Variants in PCDHGA9 observed in about 807,000 individuals in gnomAD.
PCDHGA9 encodes protocadherin gamma-A9.
A neutral mutation model predicts 62.5 loss-of-function variants in PCDHGA9; 37 were observed. The ratio of observed to expected loss-of-function variants is 0.59; its 90% CI spans 0.46 to 0.78. The LOEUF (loss-of-function observed/expected upper bound fraction) is 0.78. Ranked by LOEUF, PCDHGA9 falls within the 30% of genes least tolerant of loss-of-function variation. The pLI is 0.00. For synonymous variants in PCDHGA9, 459 were observed against 484.6 expected (o/e 0.95, Z 0.69); for missense variants, 1,138 against 1,166.2 (o/e 0.98, Z 0.35).
intron 1 of PCDHGA9, among the ~76,000 whole-genome samples, chr5:141,425,668 T>C (rs2096887740): frequency 1.3e-5 from 2 of 152,260 alleles, no homozygotes; most frequent in South Asian, 4.1e-4. Context: ...GCACATCAGA[T>C]TGAAAATAAT....
At chr5:141,445,553 A>G (rs948468877) in intron 1 of PCDHGA9, among the ~76,000 whole-genome samples, 1 of 152,252 alleles carries the variant, frequency 6.6e-6, no homozygotes, top group Non-Finnish European at 1.5e-5. Context: ...ATACAAAAGC[A>G]CTAAGAGAAA....
At position 141,491,623 on chromosome 5, in the gene PCDHGA9, G is replaced by A. The variant is rs767724749; in HGVS notation, c.2425-3184G>A. The A allele has an allele frequency of 3.7e-6, 6 of 1,613,812 alleles. No homozygotes were observed. The highest frequency in any genetic ancestry group is 2.7e-5 in the African/African-American group (2 of 74,938). On this transcript the variant is annotated intron_variant, in intron 1 of 3. Transcript: ENST00000573521. This position sits in a 1 kb window ranked among gnomAD's most constrained non-coding sequence, Gnocchi z 6.9. ...CTTCACTTTTCTAAGACCCCTCAGC[G>A]TTCAGCAGCCCACAGCTCTGGCGCT...
Position 141,476,437 on chromosome 5 carries a change from TCTGGAGTTGGTAGTGGAGAACCC to T in PCDHGA9, c.2425-18369_2425-18347del. ...GGACACTGCCCTCTTGCACTGTAAC[TCTGGAGTTGGTAGTGGAGAACCC>T]GCTGGAGCTGTTCAGCGTGGAAGTG... On this transcript the variant is annotated intron_variant, in intron 1 of 3. Transcript: ENST00000573521. The surrounding 1 kb of genome is among the most constrained non-coding windows in gnomAD (Gnocchi z 7.6). 1 of 1,614,004 alleles carries T rather than the reference TCTGGAGTTGGTAGTGGAGAACCC, an allele frequency of 6.2e-7. No individual in the cohort carries two copies. The highest frequency in any genetic ancestry group is 2.2e-5 in the East Asian group (1 of 44,836).
At chr5:141,461,456 T>C (rs12186717) in intron 1 of PCDHGA9, among the ~76,000 whole-genome samples, 42,391 of 152,030 alleles carry the variant, frequency 0.28, 6,631 homozygotes, top group African/African-American at 0.43. Context: ...AATGGCTATT[T>C]GTGTCCTTTG....
In PCDHGA9 at chr5:141,431,019, C is replaced by A. The variant is rs1368671750; in HGVS notation, c.2424+25643C>A. 1 of 1,613,488 alleles carries A rather than the reference C, an allele frequency of 6.2e-7. No individual in the cohort carries two copies. The highest frequency in any genetic ancestry group is 1.7e-5 in the Admixed American group (1 of 59,968). ...CCGCGCAGCGGCAGCTTGGTCACGG[C>A]GGGCAGGATAGACCGGGAGGAGCTC... On this transcript the variant is annotated intron_variant, in intron 1 of 3. Transcript: ENST00000573521. The surrounding 1 kb of genome is among the most constrained non-coding windows in gnomAD (Gnocchi z 4.8).
At chr5:141,441,725 C>T (rs2098268012) in intron 1 of PCDHGA9, 3 of 352,332 alleles carry the variant, frequency 8.5e-6, no homozygotes. Flanking sequence ...AGGCCCGCGA[C>T]CAGGACTAGC....
intron 1 of PCDHGA9, chr5:141,414,150 A>C (rs750190499): frequency 6.2e-7 from 1 of 1,600,176 alleles, no homozygotes; most frequent in African/African-American, 1.3e-5. Context: ...AAATACAAGC[A>C]GAAGATGGAG....
In PCDHGA9 at chr5:141,410,321, G is replaced by A. The variant is rs749017304; in HGVS notation, c.2424+4945G>A. ...AATCTCAGTGCTCTTCCTCCTCGCC[G>A]TGATTCTGGCCATTGCCTTGCGCCT... On this transcript the variant is annotated intron_variant, in intron 1 of 3. Transcript: ENST00000573521. The A allele has an allele frequency of 3.7e-6, 6 of 1,613,842 alleles. No homozygotes were observed. The East Asian group carries it at 1.1e-4, about 30-fold the overall frequency.
At chr5:141,435,902 A>G (rs896786345) in intron 1 of PCDHGA9, among the ~76,000 whole-genome samples, 1 of 152,194 alleles carries the variant, frequency 6.6e-6, no homozygotes, top group Non-Finnish European at 1.5e-5. Flanking sequence ...AATGAAAGAC[A>G]TCCAAGGGCT....
intron 1 of PCDHGA9, chr5:141,416,744 A>G (rs1480936949): frequency 2.0e-5 from 3 of 152,210 alleles, no homozygotes; most frequent in Non-Finnish European, 4.4e-5. Context: ...GAAAATAGTG[A>G]CGTATTAGGT....
chr5:141,419,730 G>A (rs747960969), intron 1 of PCDHGA9: 9 of 1,613,746 alleles, frequency 5.6e-6, no homozygotes, highest in Non-Finnish European at 7.6e-6. Context: ...CTGCGAACAG[G>A]CGAGGTGCGC....
At chr5:141,413,316 T>C (rs769316460) in intron 1 of PCDHGA9, 13 of 1,613,976 alleles carry the variant, frequency 8.1e-6, no homozygotes, top group Non-Finnish European at 1.1e-5. Flanking sequence ...AGAAAGGCTC[T>C]TTCGTGGGCA....
At chr5:141,413,805 C>T (rs772637762) in intron 1 of PCDHGA9, 1 of 1,613,166 alleles carries the variant, frequency 6.2e-7, no homozygotes, top group South Asian at 1.1e-5. Flanking sequence ...AGGAAGAGGC[C>T]ATTCACCACC....
chr5:141,430,619 A>G lies in PCDHGA9; in HGVS notation c.2424+25243A>G, dbSNP rs192473783. ...CGCCTGAAGCACAAAGCAGATAGCT[A>G]GGAATGAACCATCCCTGGGAGTATG... On this transcript the variant is annotated intron_variant, in intron 1 of 3. Coordinates refer to ENST00000573521, the MANE Select transcript of PCDHGA9 (RefSeq NM_018921.3). 9.4e-5 allele frequency: 68 copies of G among 720,190 alleles called. 1 individual carries two copies. The African/African-American group carries it at 1.1e-3, about 12-fold the overall frequency. 44.6% of individuals were successfully genotyped at this position (720,190 alleles called of 1,614,324 possible). A position where few individuals can be genotyped will look rare whatever the true frequency, so the allele number is the denominator to read the frequency against.
chr5:141,409,143 G>C (rs778597273), intron 1 of PCDHGA9: 2 of 1,613,986 alleles, frequency 1.2e-6, no homozygotes, highest in Admixed American at 3.3e-5. Context: ...GATGTAGAAA[G>C]GTACACCATG....
At position 141,403,256 on chromosome 5, in the gene PCDHGA9, T is replaced by G; in HGVS notation, c.304T>G (p.Cys102Gly). Residue 102 changes from cysteine to glycine, a missense_variant, in exon 1 of 4, where the codon TGT becomes GGT. Cys to Gly is a radical substitution (Grantham distance 159). Transcript: ENST00000573521. ...REELCAQSPRCLVNFKVLVED... is the reference protein window; with the variant it reads ...REELCAQSPRGLVNFKVLVED... Reference sequence around the variant, plus strand: ...GGAGCTCTGTGCTCAGAGCCCGCGGTGTCTGGTGAACTTTAAAGTCCTGGT... The same window carrying G: ...GGAGCTCTGTGCTCAGAGCCCGCGGGGTCTGGTGAACTTTAAAGTCCTGGT... 1.9e-6 allele frequency: 3 copies of G among 1,613,854 alleles called. No individual in the cohort carries two copies. The highest frequency in any genetic ancestry group is 2.5e-6 in the Non-Finnish European group (3 of 1,179,896).
At position 141,453,908 on chromosome 5, in the gene PCDHGA9, A is replaced by T. The variant is rs1198219869; in HGVS notation, c.2425-40899A>T. On this transcript the variant is annotated intron_variant, in intron 1 of 3. Transcript: ENST00000573521. ...CCAATCACATGACTTCTTTCAAAGT[A>T]TGTCAGTGATCAGTCACTGTGTGCC... Among the ~76,000 whole-genome samples, 4 of 152,242 alleles carry T rather than the reference A, an allele frequency of 2.6e-5. No homozygotes were observed. The East Asian group carries it at 5.8e-4, about 22-fold the overall frequency.
Position 141,404,403 on chromosome 5 carries a change from A to G in PCDHGA9, c.1451A>G (p.Asn484Ser), listed in dbSNP as rs767148207. Residue 484 changes from asparagine (N) to serine (S), a missense_variant, in exon 1 of 4, where the codon AAT (asparagine) becomes AGT (serine). Physicochemically the swap from Asn to Ser is conservative, Grantham distance 46 (BLOSUM62 1). Transcript: ENST00000573521. ...GCCTATGACCCTGATAGCAATGAGA[A>G]TTCTAGAGTTATTTACTCCTTGGCA... ...VIAYDPDSNE[N>S]SRVIYSLAED... 1.2e-6 allele frequency: 2 copies of G among 1,613,896 alleles called. No individual in the cohort carries two copies. The highest frequency in any genetic ancestry group is 4.5e-5 in the East Asian group (2 of 44,884).
At chr5:141,412,934 G>A (rs1232539262) in intron 1 of PCDHGA9, 1 of 453,932 alleles carries the variant, frequency 2.2e-6, no homozygotes, top group African/African-American at 2.0e-5. Context: ...TAACTTCTTA[G>A]GACTCTGAGC....
Sources: gnomAD v4.1 joint callset for allele counts (sites outside exome capture counted in the v4.1 genomes callset) on GRCh38, gnomAD v4.1.1 for gene constraint, Gnocchi (gnomAD v3.1) non-coding constraint, MANE v1.5 for transcripts, NCBI Gene and HGNC (gene_info 2026-07-23, HGNC 2026-07-21) for gene names.